Variants in EBPL observed in about 807,000 individuals in gnomAD.
EBPL encodes the protein emopamil-binding protein-like.
Under a neutral mutation model 19.0 loss-of-function variants are expected in EBPL, and 20 were observed. The observed-to-expected ratio is 1.05, with a 90% CI of 0.74 to 1.53. EBPL has a LOEUF of 1.53. Ranked by LOEUF, EBPL falls within the 40% of genes most tolerant of loss-of-function variation. The pLI is 0.00. For synonymous variants in EBPL, 107 were observed against 117.0 expected, an observed-to-expected ratio of 0.91 and a Z score of 0.55; for missense variants, 219 against 261.1, an observed-to-expected ratio of 0.84 and a Z score of 1.11.
At chr13:49,689,859 C>A (rs1338812351) in intron 1 of EBPL, among the ~76,000 whole-genome samples, 2 of 152,102 alleles carry the variant, frequency 1.3e-5, no homozygotes, top group Admixed American at 6.6e-5. Context: ...AAAATCAATT[C>A]TCGGCTGGTG....
At chr13:49,670,843 G>A (rs964085413) in intron 1 of EBPL, among the ~76,000 whole-genome samples, 3 of 152,156 alleles carry the variant, frequency 2.0e-5, no homozygotes, top group Non-Finnish European at 4.4e-5. Flanking sequence ...CCACGAAAGA[G>A]TATGACAGCC....
At chr13:49,686,482 T>C (rs910817681) in intron 1 of EBPL, 92 of 1,287,422 alleles carry the variant, frequency 7.1e-5, no homozygotes, top group Non-Finnish European at 9.0e-5. Flanking sequence ...CACCTTTTAT[T>C]TTCTTTCTTT....
At chr13:49,683,953 G>C (rs1448135700) in intron 1 of EBPL, among the ~76,000 whole-genome samples, 1 of 152,110 alleles carries the variant, frequency 6.6e-6, no homozygotes, top group East Asian at 1.9e-4. Flanking sequence ...ACTGATAAAT[G>C]GATAAATGAA....
intron 1 of EBPL, among the ~76,000 whole-genome samples, chr13:49,674,335 C>A (rs1220399750): frequency 6.6e-6 from 1 of 152,144 alleles, no homozygotes; most frequent in African/African-American, 2.4e-5. Context: ...AACTCCTGAC[C>A]TCAGGTGATC....
intron 1 of EBPL, among the ~76,000 whole-genome samples, chr13:49,683,974 T>A (rs1953970743): frequency 6.6e-6 from 1 of 152,180 alleles, no homozygotes; most frequent in Non-Finnish European, 1.5e-5. Context: ...TTGAAATACA[T>A]CCATGACTGG....
At chr13:49,689,681 G>A (rs936197581) in intron 1 of EBPL, among the ~76,000 whole-genome samples, 5 of 152,134 alleles carry the variant, frequency 3.3e-5, no homozygotes, top group Non-Finnish European at 7.4e-5. Flanking sequence ...ATTCTGATAT[G>A]CTATATACAG....
Position 49,684,118 on chromosome 13 carries a change from T to G in EBPL, c.171+7136A>C, listed in dbSNP as rs569798273. ...TTGGGGCTGGTGATGGGCACTGGGA[T>G]CATCTTCAAAGGGACATGAGAAAAC... On this transcript the variant is annotated intron_variant, in intron 1 of 3. Coordinates refer to ENST00000242827, the MANE Select transcript of EBPL (RefSeq NM_032565.5). Among the ~76,000 whole-genome samples the G allele has an allele frequency of 2.0e-5, 3 of 152,256 alleles. No homozygotes were observed. The East Asian group carries it at 5.8e-4, about 29-fold the overall frequency.
chr13:49,680,514 G>A (rs1953930512), intron 1 of EBPL, among the ~76,000 whole-genome samples: 1 of 152,182 alleles, frequency 6.6e-6, no homozygotes, highest in Admixed American at 6.5e-5. Flanking sequence ...GTGAATGTTT[G>A]AAATTGTTCA....
intron 1 of EBPL, among the ~76,000 whole-genome samples, chr13:49,689,861 C>T (rs1396776664): frequency 2.0e-5 from 3 of 152,108 alleles, no homozygotes; most frequent in Admixed American, 2.0e-4. Flanking sequence ...AATCAATTCT[C>T]GGCTGGTGGC....
Position 49,691,385 on chromosome 13 carries a change from A to G in EBPL, c.40T>C (p.Ser14Pro). The G allele has an allele frequency of 7.3e-7, 1 of 1,367,556 alleles. No individual in the cohort carries two copies. Among genetic ancestry groups the G allele is most frequent in the South Asian group, 2.2e-5 (1 of 46,472 alleles). The allele number at this position is 1,367,556 out of a possible 1,614,324, so 84.7% of individuals were successfully genotyped here. A position where few individuals can be genotyped will look rare whatever the true frequency, so the allele number is the denominator to read the frequency against. The change falls in exon 1 of 4, where the codon TCG becomes CCG. Residue 14 changes from serine to proline, a missense_variant. Physicochemically the swap from Ser to Pro is moderately conservative, Grantham distance 74 (BLOSUM62 -1). Coordinates refer to ENST00000242827, the MANE Select transcript of EBPL (RefSeq NM_032565.5). ...EWELGAEAGG[S>P]LLLCAALLAA... is the part of the protein sequence containing the mutation. ...AGCAGCGCGGCGCACAGCAGCAGCG[A>G]ACCGCCAGCCTCGGCCCCCAGCTCC...
At chr13:49,684,874 C>A (rs1023165140) in intron 1 of EBPL, among the ~76,000 whole-genome samples, 1 of 152,142 alleles carries the variant, frequency 6.6e-6, no homozygotes, top group Admixed American at 6.5e-5. Context: ...AAACCACAAT[C>A]AAAATACCGA....
intron 3 of EBPL, among the ~76,000 whole-genome samples, 153 bp from the exon 4 acceptor site, chr13:49,661,361 T>C (rs1447122366): frequency 6.6e-6 from 1 of 152,172 alleles, no homozygotes; most frequent in Non-Finnish European, 1.5e-5. Context: ...GCTATTTTGA[T>C]GGGGGCAAGT....
In EBPL at chr13:49,661,073, A is replaced by G. The variant is rs1356886713; in HGVS notation, c.516T>C (p.Phe172=). The G allele has an allele frequency of 4.4e-6, 7 of 1,601,714 alleles. No homozygotes were observed. The Admixed American group carries it at 5.1e-5, about 12-fold the overall frequency. ...WLYCWLYLFF[F]NGVWVLIPGL... ...CTGGGATCAGAACCCACACACCGTT[A>G]AAAAAAAACAGGTAAAGCCAACAGT... Residue 172 remains phenylalanine (F), a synonymous_variant, in exon 4 of 4, where the codon TTT becomes TTC. Coordinates refer to ENST00000242827, the MANE Select transcript of EBPL (RefSeq NM_032565.5).
At chr13:49,663,897 C>A (rs959910356) in intron 2 of EBPL, among the ~76,000 whole-genome samples, 1 of 150,382 alleles carries the variant, frequency 6.6e-6, no homozygotes, top group Admixed American at 6.7e-5. Flanking sequence ...TGCACTCCAG[C>A]CTGGGTGACA....
intron 1 of EBPL, among the ~76,000 whole-genome samples, chr13:49,671,289 C>T (rs1278014799): frequency 6.6e-6 from 1 of 152,134 alleles, no homozygotes; most frequent in Non-Finnish European, 1.5e-5. Flanking sequence ...AGGCGTGTGA[C>T]ACCACATTCA....
chr13:49,672,898 T>C (rs977485173), intron 1 of EBPL, among the ~76,000 whole-genome samples: 5 of 151,846 alleles, frequency 3.3e-5, no homozygotes, highest in Non-Finnish European at 5.9e-5. Flanking sequence ...CCTCTACTAA[T>C]AATACAAAAC....
At chr13:49,688,606 CTA>C (rs1954025521) in intron 1 of EBPL, among the ~76,000 whole-genome samples, 1 of 151,282 alleles carries the variant, frequency 6.6e-6, no homozygotes, top group East Asian at 2.0e-4. Flanking sequence ...GTAGTCCCAG[CTA>C]CTCAGGAGGC....
chr13:49,679,004 T>C (rs1566319497), intron 1 of EBPL, among the ~76,000 whole-genome samples: 3 of 2,788 alleles, frequency 1.1e-3, no homozygotes, highest in Non-Finnish European at 1.8e-3. Context: ...TGAGACTCCG[T>C]CTAAAAAAAA....
chr13:49,664,218 C>T (rs1355708149), intron 2 of EBPL, among the ~76,000 whole-genome samples: 1 of 152,266 alleles, frequency 6.6e-6, no homozygotes, highest in Non-Finnish European at 1.5e-5. Flanking sequence ...CACCACTGCA[C>T]TCCGGCCTGG....
Sources: gnomAD v4.1 joint callset for allele counts (sites outside exome capture counted in the v4.1 genomes callset) on GRCh38, gnomAD v4.1.1 for gene constraint, MANE v1.5 for transcripts, NCBI Gene and HGNC (gene_info 2026-07-23, HGNC 2026-07-21) for gene names.